Variants in CNGB3 observed in about 807,000 individuals in gnomAD.
CNGB3 encodes cyclic nucleotide-gated channel beta-3.
A neutral mutation model predicts 92.8 loss-of-function variants in CNGB3; 86 were observed. That is an observed-to-expected ratio of 0.93 (90% CI 0.78 to 1.11). CNGB3 has a LOEUF of 1.11. Among genes scored for constraint, CNGB3 ranks in the 50% least tolerant of loss-of-function variants. The pLI is 0.00. For missense variants in CNGB3, 1,026 were observed against 956.8 expected (o/e 1.07, Z -0.95); for synonymous variants, 333 against 332.7 (o/e 1.00, Z -0.01).
intron 3 of CNGB3, among the ~76,000 whole-genome samples, chr8:86,680,198 A>G (rs2131627132): frequency 6.6e-6 from 1 of 152,326 alleles, no homozygotes; most frequent in South Asian, 2.1e-4. Context: ...ACATCCCGAG[A>G]TGACAGAAAA....
chr8:86,653,477 T>C (rs1563741793), intron 7 of CNGB3, among the ~76,000 whole-genome samples: 1 of 152,066 alleles, frequency 6.6e-6, no homozygotes, highest in African/African-American at 2.4e-5. Context: ...TCACTCCAAT[T>C]GGGTAAACCT....
chr8:86,715,631 T>C (rs938142720), intron 3 of CNGB3, among the ~76,000 whole-genome samples: 2 of 151,940 alleles, frequency 1.3e-5, no homozygotes, highest in Non-Finnish European at 2.9e-5. Flanking sequence ...TCACCAGCAA[T>C]GGATCTAAAC....
chr8:86,722,139 C>A (rs950762953), intron 3 of CNGB3, among the ~76,000 whole-genome samples: 1 of 152,196 alleles, frequency 6.6e-6, no homozygotes. Context: ...ATTTCACTCA[C>A]TCGCTGCTTG....
At chr8:86,607,065 A>G (rs1822425880) in intron 14 of CNGB3, among the ~76,000 whole-genome samples, 1 of 152,190 alleles carries the variant, frequency 6.6e-6, no homozygotes, top group Non-Finnish European at 1.5e-5. Context: ...AACTGGAATG[A>G]TTTTTCAAAG....
intron 3 of CNGB3, among the ~76,000 whole-genome samples, chr8:86,716,135 G>A (rs1161253391): frequency 6.6e-6 from 1 of 152,100 alleles, no homozygotes; most frequent in African/African-American, 2.4e-5. Flanking sequence ...AAGAACTTCA[G>A]AGCTCAAAGA....
At chr8:86,682,502 C>A (rs1045799970) in intron 3 of CNGB3, among the ~76,000 whole-genome samples, 5 of 152,110 alleles carry the variant, frequency 3.3e-5, no homozygotes, top group African/African-American at 1.2e-4. Flanking sequence ...CTCCCCAAAA[C>A]AAATATCAGT....
At chr8:86,677,850 A>T (rs1824005550) in intron 3 of CNGB3, among the ~76,000 whole-genome samples, 1 of 152,178 alleles carries the variant, frequency 6.6e-6, no homozygotes, top group Non-Finnish European at 1.5e-5. Context: ...ATTTGTCTTA[A>T]CAAGTATTTT....
intron 6 of CNGB3, among the ~76,000 whole-genome samples, chr8:86,666,002 C>G (rs924471791): frequency 6.6e-6 from 1 of 152,248 alleles, no homozygotes; most frequent in African/African-American, 2.4e-5. Context: ...CATGGAGGCA[C>G]TTCACTTGGT....
intron 7 of CNGB3, among the ~76,000 whole-genome samples, chr8:86,649,992 A>C (rs1585992442): frequency 1.3e-5 from 2 of 151,584 alleles, no homozygotes; most frequent in African/African-American, 4.8e-5. Flanking sequence ...AAATGCTATT[A>C]ATAGATATTT....
At chr8:86,694,411 C>T (rs1427278891) in intron 3 of CNGB3, among the ~76,000 whole-genome samples, 1 of 150,986 alleles carries the variant, frequency 6.6e-6, no homozygotes, top group South Asian at 2.1e-4. Context: ...TGACCCCCAC[C>T]TCCCTCCCGG....
chr8:86,613,925 TATATA>T (rs1203789771), intron 13 of CNGB3, among the ~76,000 whole-genome samples: 31 of 147,686 alleles, frequency 2.1e-4, no homozygotes, highest in African/African-American at 7.4e-4. Flanking sequence ...GTACATATAA[TATATA>T]ATATAAAATA....
At chr8:86,668,301 A>G (rs1823784715) in intron 4 of CNGB3, 133 bp from the exon 5 acceptor site, 1 of 673,890 alleles carries the variant, frequency 1.5e-6, no homozygotes. Context: ...ACATATGGGC[A>G]CAGGGAGGGG....
intron 7 of CNGB3, among the ~76,000 whole-genome samples, chr8:86,652,456 T>C (rs1823424250): frequency 6.6e-6 from 1 of 152,042 alleles, no homozygotes; most frequent in African/African-American, 2.4e-5. Flanking sequence ...TTATAAGCTT[T>C]TGAATTTTTA....
chr8:86,635,286 A>C (rs748146711), intron 10 of CNGB3, among the ~76,000 whole-genome samples: 13 of 152,124 alleles, frequency 8.5e-5, no homozygotes, highest in Non-Finnish European at 1.8e-4. Context: ...TAAACCTGAC[A>C]TTACCCAAGA....
At chr8:86,593,813 A>C (rs997759380) in intron 15 of CNGB3, 2 of 1,261,978 alleles carry the variant, frequency 1.6e-6, no homozygotes, top group African/African-American at 1.5e-5. Flanking sequence ...CAGCTTGTCC[A>C]CATCTGTCAG....
intron 1 of CNGB3, among the ~76,000 whole-genome samples, chr8:86,740,620 A>T (rs1370635933): frequency 6.6e-6 from 1 of 152,138 alleles, no homozygotes; most frequent in Non-Finnish European, 1.5e-5. Context: ...GTAGGCAGGG[A>T]CCAGAAGGAC....
chr8:86,648,973 T>C (rs985649491), intron 7 of CNGB3, among the ~76,000 whole-genome samples: 2 of 151,476 alleles, frequency 1.3e-5, no homozygotes, highest in African/African-American at 4.8e-5. Context: ...GTGAAATCAA[T>C]GTACACAAAT....
At chr8:86,661,979 G>A (rs1482147243) in intron 6 of CNGB3, 3 of 495,626 alleles carry the variant, frequency 6.1e-6, no homozygotes, top group South Asian at 3.0e-5. Flanking sequence ...GGCCTCCGTG[G>A]TGTCTTGTCC....
intron 3 of CNGB3, among the ~76,000 whole-genome samples, chr8:86,685,818 T>A (rs1297375794): frequency 6.6e-6 from 1 of 152,112 alleles, no homozygotes; most frequent in Non-Finnish European, 1.5e-5. Context: ...AGTCTTATAA[T>A]GAATATCTTC....
Sources: gnomAD v4.1 joint callset for allele counts (sites outside exome capture counted in the v4.1 genomes callset) on GRCh38, gnomAD v4.1.1 for gene constraint, MANE v1.5 for transcripts, NCBI Gene and HGNC (gene_info 2026-07-23, HGNC 2026-07-21) for gene names.